The following MROH2B variants were observed in gnomAD, a reference collection of about 807,000 sequenced individuals.
The protein encoded by MROH2B is maestro heat like repeat family member 2B.
A neutral mutation model predicts 208.6 loss-of-function variants in MROH2B; 177 were observed. The ratio of observed to expected loss-of-function variants is 0.85; its 90% CI spans 0.75 to 0.96. The LOEUF (loss-of-function observed/expected upper bound fraction) is 0.96. Among genes scored for constraint, MROH2B ranks in the 40% least tolerant of loss-of-function variants. The pLI, the probability that MROH2B is intolerant of heterozygous loss-of-function variation, is 0.00. For synonymous variants in MROH2B, 728 were observed against 659.0 expected, an observed-to-expected ratio of 1.10 and a Z score of -1.60; for missense variants, 2,002 against 1,878.7, an observed-to-expected ratio of 1.07 and a Z score of -1.21.
intron 21 of MROH2B, 110 bp from the exon 22 acceptor site, chr5:41,033,974 A>G: frequency 7.0e-7 from 1 of 1,430,042 alleles, no homozygotes; most frequent in Non-Finnish European, 9.3e-7. Flanking sequence ...GTAAAGCAGG[A>G]GGTAGAGCCT....
At chr5:41,011,329 A>G (rs547684951) in intron 30 of MROH2B, among the ~76,000 whole-genome samples, 6 of 152,188 alleles carry the variant, frequency 3.9e-5, no homozygotes, top group Non-Finnish European at 8.8e-5. Flanking sequence ...TTCCAGGTCA[A>G]TGATGCTTGG....
At chr5:41,062,303 G>A (rs1743666604) in intron 5 of MROH2B, among the ~76,000 whole-genome samples, 2 of 152,146 alleles carry the variant, frequency 1.3e-5, no homozygotes, top group Non-Finnish European at 2.9e-5. Context: ...CAACATGGAT[G>A]AATCTTACAA....
chr5:41,020,087 A>T (rs1217749163), intron 24 of MROH2B, among the ~76,000 whole-genome samples: 3 of 152,200 alleles, frequency 2.0e-5, no homozygotes, highest in Non-Finnish European at 4.4e-5. Flanking sequence ...GCTCGTGAAC[A>T]TGAGTTGTGG....
At chr5:41,035,537 A>C (rs751294952) in intron 21 of MROH2B, among the ~76,000 whole-genome samples, 2 of 152,148 alleles carry the variant, frequency 1.3e-5, no homozygotes, top group East Asian at 3.8e-4. Context: ...CAGACAACCT[A>C]CAGAATGGAA....
At position 41,052,667 on chromosome 5, in the gene MROH2B, T is replaced by C. The variant is rs1027670654; in HGVS notation, c.1108-80A>G. On this transcript the variant is annotated intron_variant, in intron 11 of 41. Transcript: ENST00000399564. ...TTTACCTTATTTTATTCTATAATCTTAAGGATAATTAAGTGGGAACATTTT... is the reference window on the plus strand; with the variant it reads ...TTTACCTTATTTTATTCTATAATCTCAAGGATAATTAAGTGGGAACATTTT... The C allele has an allele frequency of 2.5e-5, 33 of 1,295,612 alleles. No homozygotes were observed. The African/African-American group carries it at 4.8e-4, about 19-fold the overall frequency. The allele number at this position is 1,295,612 out of a possible 1,614,324, so 80.3% of individuals were successfully genotyped here. A position where few individuals can be genotyped will look rare whatever the true frequency, so the allele number is the denominator to read the frequency against.
rs199554440 is a variant in MROH2B, at chr5:41,049,421, T to C, written c.1360A>G (p.Ile454Val). The C allele has an allele frequency of 3.3e-5, 53 of 1,612,024 alleles. No homozygotes were observed. The highest frequency in any genetic ancestry group is 4.0e-5 in the Non-Finnish European group (47 of 1,179,298). ...TCTGCAGGTACCACAAAAGTCAGGA[T>C]CCTTGGCCATAGCACCTGTGGAAAA... ...IGMPQVLWPR[I>V]LTFVVPAEYT... Residue 454 changes from isoleucine (I) to valine (V), a missense_variant, in exon 14 of 42, where the codon ATC becomes GTC. Transcript: ENST00000399564.
At chr5:41,038,231 G>A in intron 21 of MROH2B, among the ~76,000 whole-genome samples, 1 of 152,072 alleles carries the variant, frequency 6.6e-6, no homozygotes, top group East Asian at 1.9e-4. Context: ...AACTACCATG[G>A]GCTAACACTT....
At position 40,999,733 on chromosome 5, in the gene MROH2B, A is replaced by T. The variant is rs761121591; in HGVS notation, c.4529T>A (p.Phe1510Tyr). 13 of 1,613,576 alleles carry T rather than the reference A, an allele frequency of 8.1e-6. No homozygotes were observed. Among genetic ancestry groups the T allele is most frequent in the Middle Eastern group, 1.6e-4 (1 of 6,082 alleles). ...CTCCCAGGTGCTGGTGAAGAAGGTG[A>T]AGGAGTGTGTGTGGAGGATCCACAG... ...EILWILHTHS[F>Y]TFFTSTWEVI... Residue 1510 changes from phenylalanine (F) to tyrosine (Y), a missense_variant, in exon 40 of 42, where the codon TTC (phenylalanine) becomes TAC (tyrosine). Transcript: ENST00000399564.
chr5:41,054,982 C>G (rs1245868732), intron 10 of MROH2B, 142 bp from the exon 11 acceptor site: 1 of 500,658 alleles, frequency 2.0e-6, no homozygotes, highest in Non-Finnish European at 3.5e-6. Context: ...TCAATGCCCT[C>G]CCATCCTCTT....
intron 28 of MROH2B, among the ~76,000 whole-genome samples, chr5:41,017,484 T>A (rs1389968748): frequency 1.3e-5 from 2 of 152,192 alleles, no homozygotes; most frequent in Non-Finnish European, 1.5e-5. Context: ...TCTCAAAACA[T>A]TTTACCTACT....
Position 41,052,324 on chromosome 5 carries a change from A to C in MROH2B, c.1230+141T>G, listed in dbSNP as rs956878883. The stretch of plus-strand genomic sequence containing the variant: ...ATTTAATTGAATTCCAGTTATTTTT[A>C]ATTTTTTTAAAATTTATTTATTTAT... On this transcript the variant is annotated intron_variant, in intron 12 of 41. Transcript: ENST00000399564. 23 of 742,490 alleles carry C rather than the reference A, an allele frequency of 3.1e-5. No individual in the cohort carries two copies. In the South Asian group the frequency reaches 1.5e-3, roughly 49 times the overall value. The allele number at this position is 742,490 out of a possible 1,614,324, so 46.0% of individuals were successfully genotyped here.
rs1214729550 is a variant in MROH2B, at chr5:41,008,679, G to T, written c.3535C>A (p.Leu1179Ile). ...CGCCTATGGCTCCAGGGACAAGTGA[G>T]CATCTTCTGGCCCAGTGTGCAGCTA... ...LVSCTLGQKMLTCPWSHRRHV... is the reference protein window; with the variant it reads ...LVSCTLGQKMITCPWSHRRHV... Residue 1179 changes from leucine (L) to isoleucine (I), a missense_variant, in exon 33 of 42, where the codon CTC becomes ATC. Transcript: ENST00000399564. 10 of 1,613,770 alleles carry T rather than the reference G, an allele frequency of 6.2e-6. No homozygotes were observed. In the African/African-American group the frequency reaches 1.2e-4, roughly 19 times the overall value.
Position 41,007,432 on chromosome 5 carries a change from A to G in MROH2B, c.3631T>C (p.Cys1211Arg), listed in dbSNP as rs551253410. 216 of 1,577,580 alleles carry G rather than the reference A, an allele frequency of 1.4e-4. 1 individual carries two copies. In the South Asian group the frequency reaches 2.4e-3, roughly 18 times the overall value. Residue 1211 changes from cysteine (C) to arginine (R), a missense_variant, in exon 34 of 42, where the codon TGT becomes CGT. By Grantham distance (180) the Cys-to-Arg change is radical. Transcript: ENST00000399564. ...PCRLSTATLKCLQAQAMREGL... is the reference protein window; with the variant it reads ...PCRLSTATLKRLQAQAMREGL... ...TCTCTCATGGCTTGGGCTTGCAAAC[A>G]TTTTAAAGTAGCAGTTGAAAGCCTA...
At chr5:41,024,419 A>G (rs1317120344) in intron 24 of MROH2B, among the ~76,000 whole-genome samples, 3 of 152,184 alleles carry the variant, frequency 2.0e-5, no homozygotes, top group Non-Finnish European at 4.4e-5. Flanking sequence ...AAACCAAAAA[A>G]GATCAAAAGA....
chr5:41,040,961 G>A (rs370739317), intron 19 of MROH2B, among the ~76,000 whole-genome samples: 10 of 152,100 alleles, frequency 6.6e-5, no homozygotes, highest in Admixed American at 2.0e-4. Flanking sequence ...CACTGTGCCC[G>A]GCCATGATTT....
chr5:41,069,371 A>G (rs192904699), intron 2 of MROH2B, among the ~76,000 whole-genome samples: 1 of 152,198 alleles, frequency 6.6e-6, no homozygotes, highest in East Asian at 1.9e-4. Flanking sequence ...TTTTGTAACA[A>G]CCCTCAAATT....
intron 40 of MROH2B, among the ~76,000 whole-genome samples, chr5:40,998,880 C>T (rs115151991): frequency 1.5e-3 from 229 of 152,294 alleles, no homozygotes; most frequent in African/African-American, 5.3e-3. Flanking sequence ...CAAGTAGTCA[C>T]TTATCCAGAG....
rs552096292 is a variant in MROH2B, at chr5:41,022,512, G to A, written c.2442-3494C>T. Among the ~76,000 whole-genome samples the A allele has an allele frequency of 7.6e-4, 116 of 152,244 alleles. 1 individual carries two copies. Among genetic ancestry groups the A allele is most frequent in the African/African-American group, 2.3e-3 (96 of 41,554 alleles). On this transcript the variant is annotated intron_variant, in intron 24 of 41. Coordinates refer to ENST00000399564, the MANE Select transcript of MROH2B (RefSeq NM_173489.5). The stretch of plus-strand genomic sequence containing the variant: ...CAGCGAGGCTGGGGGAGGGGCGCCC[G>A]CCATTGCTGAGGCTTGAGTAGGTAA...
chr5:41,061,855 A>G, intron 5 of MROH2B, 131 bp from the exon 6 acceptor site: 3 of 958,228 alleles, frequency 3.1e-6, no homozygotes, highest in Non-Finnish European at 4.4e-6. Context: ...CGACTGCATC[A>G]AATACACATA....
Sources: allele counts gnomAD v4.1 joint callset (sites outside exome capture counted in the v4.1 genomes callset), GRCh38; gene constraint gnomAD v4.1.1; transcripts MANE v1.5; gene names NCBI Gene and HGNC (gene_info 2026-07-23, HGNC 2026-07-21).